Variants in CALD1 observed in about 807,000 individuals in gnomAD.
The protein encoded by CALD1 is caldesmon.
Under a neutral mutation model 99.9 loss-of-function variants are expected in CALD1, and 33 were observed. That is an observed-to-expected ratio of 0.33 (90% confidence interval 0.25 to 0.44). The LOEUF (loss-of-function observed/expected upper bound fraction) is 0.44. CALD1 is among the 20% of genes least tolerant of loss of function. The pLI, the probability that CALD1 is intolerant of heterozygous loss-of-function variation, is 1.00. For synonymous variants in CALD1, 310 were observed against 325.0 expected (o/e 0.95, Z 0.50); for missense variants, 861 against 962.1 (o/e 0.89, Z 1.39).
chr7:134,887,920 C>T (rs781515061), intron 3 of CALD1, among the ~76,000 whole-genome samples: 1 of 152,040 alleles, frequency 6.6e-6, no homozygotes, highest in Non-Finnish European at 1.5e-5. Context: ...CGCATTAGGG[C>T]ATATGCACAG....
chr7:134,715,818 A>C, the CALD1 span, among the ~76,000 whole-genome samples: 2 of 152,254 alleles, frequency 1.3e-5, no homozygotes, highest in Non-Finnish European at 2.9e-5. Flanking sequence ...AAAGTCATGC[A>C]GAGACAAGGA....
Position 134,970,508 on chromosome 7 carries a change from AC to A in CALD1, c.*2164del, listed in dbSNP as rs1183604821. ...CTTTACGAGGTAAAACTGCAAGCTG[AC>A]TAGCATGTTCTGTGAATCTGCCATT... On this transcript the variant is annotated 3_prime_UTR_variant, in exon 15 of 15. Coordinates refer to ENST00000361675, the MANE Select transcript of CALD1 (RefSeq NM_033138.4). 1 of 152,662 alleles carries A rather than the reference AC, an allele frequency of 6.6e-6. No homozygotes were observed. Among genetic ancestry groups the A allele is most frequent in the African/African-American group, 2.4e-5 (1 of 41,462 alleles). The allele number at this position is 152,662 out of a possible 1,614,324, so 9.5% of individuals were successfully genotyped here. A position where few individuals can be genotyped will look rare whatever the true frequency, so the allele number is the denominator to read the frequency against.
At chr7:134,891,587 C>G (rs1201993594) in intron 3 of CALD1, 49 of 1,596,820 alleles carry the variant, frequency 3.1e-5, no homozygotes, top group Non-Finnish European at 4.2e-5. Flanking sequence ...GTCTCCGTAT[C>G]TCTCTGCCCC....
At chr7:134,892,911 T>C (rs1321138373) in intron 3 of CALD1, among the ~76,000 whole-genome samples, 1 of 151,818 alleles carries the variant, frequency 6.6e-6, no homozygotes, top group East Asian at 1.9e-4. Flanking sequence ...CATCAAAACT[T>C]CCTTGGAATC....
At chr7:134,724,326 C>A in the CALD1 span, among the ~76,000 whole-genome samples, 1 of 152,288 alleles carries the variant, frequency 6.6e-6, no homozygotes, top group South Asian at 2.1e-4. Flanking sequence ...ACCAGCTTAG[C>A]TGGGAAAGGC....
chr7:134,811,105 C>T (rs1401242640), intron 1 of CALD1, among the ~76,000 whole-genome samples: 7 of 152,186 alleles, frequency 4.6e-5, no homozygotes, highest in African/African-American at 9.7e-5. Context: ...GGGTTTACTA[C>T]TCTCATCTCC....
chr7:134,846,473 C>T (rs943313904), intron 2 of CALD1, among the ~76,000 whole-genome samples: 7 of 152,198 alleles, frequency 4.6e-5, no homozygotes, highest in South Asian at 2.1e-4. Flanking sequence ...TCATTTCTCA[C>T]GGAGCCATAT....
At chr7:134,890,082 T>C (rs190508844) in intron 3 of CALD1, among the ~76,000 whole-genome samples, 24 of 152,242 alleles carry the variant, frequency 1.6e-4, no homozygotes, top group Non-Finnish European at 2.8e-4. Flanking sequence ...GTAATTTTTG[T>C]ATTTTTAGTA....
At chr7:134,905,922 CTTTTT>C (rs5887716) in intron 3 of CALD1, among the ~76,000 whole-genome samples, 1 of 94,776 alleles carries the variant, frequency 1.1e-5, no homozygotes, top group African/African-American at 4.3e-5. Context: ...CTCTCTATAT[CTTTTT>C]TTTTTTTTTT....
intron 1 of CALD1, among the ~76,000 whole-genome samples, chr7:134,767,222 TGTGC>T (rs1350447598): frequency 6.8e-6 from 1 of 146,320 alleles, no homozygotes; most frequent in Non-Finnish European, 1.5e-5. Flanking sequence ...TGTGTGTGTG[TGTGC>T]GTGTGTGACA....
intron 6 of CALD1, among the ~76,000 whole-genome samples, 158 bp downstream of exon 6, chr7:134,935,923 G>A (rs965981372): frequency 1.3e-5 from 2 of 152,162 alleles, no homozygotes; most frequent in Non-Finnish European, 2.9e-5. Context: ...AGCTTAGAGT[G>A]TCTCAAAATT....
the CALD1 span, among the ~76,000 whole-genome samples, chr7:134,711,722 GTGTGTCTC>G: frequency 5.2e-5 from 5 of 96,360 alleles, no homozygotes; most frequent in African/African-American, 1.7e-4. Flanking sequence ...GTGTGTGTGT[GTGTGTCTC>G]TCTCTCTGTC....
chr7:134,877,377 ACCTTTT>A (rs2077385782), intron 3 of CALD1, among the ~76,000 whole-genome samples: 1 of 152,182 alleles, frequency 6.6e-6, no homozygotes, highest in South Asian at 2.1e-4. Flanking sequence ...AAAGAAAATT[ACCTTTT>A]TATTATTAAG....
chr7:134,718,044 T>C, the CALD1 span, among the ~76,000 whole-genome samples: 1 of 152,228 alleles, frequency 6.6e-6, no homozygotes, highest in African/African-American at 2.4e-5. Context: ...GGTACCTATT[T>C]TTCTTTTTCC....
At chr7:134,887,126 C>T (rs1462451341) in intron 3 of CALD1, among the ~76,000 whole-genome samples, 3 of 152,162 alleles carry the variant, frequency 2.0e-5, no homozygotes, top group African/African-American at 7.2e-5. Context: ...GCCATGAAGA[C>T]GCTGGTGAAG....
chr7:134,721,103 T>C, the CALD1 span, among the ~76,000 whole-genome samples: 7 of 152,184 alleles, frequency 4.6e-5, no homozygotes, highest in Non-Finnish European at 7.3e-5. Context: ...ATATTCGCTA[T>C]AGGCCGCTGG....
At chr7:134,806,708 G>A (rs1410424998) in intron 1 of CALD1, among the ~76,000 whole-genome samples, 2 of 152,096 alleles carry the variant, frequency 1.3e-5, no homozygotes, top group Admixed American at 1.3e-4. Context: ...AAATTATAGT[G>A]CCTCGGTTTG....
At chr7:134,794,293 G>A (rs771125147) in intron 1 of CALD1, among the ~76,000 whole-genome samples, 8 of 152,132 alleles carry the variant, frequency 5.3e-5, no homozygotes, top group Non-Finnish European at 8.8e-5. Flanking sequence ...AGGCTCGCAC[G>A]GGATGCATTT....
upstream of CALD1, among the ~76,000 whole-genome samples, chr7:134,742,470 G>T (rs1796600373): frequency 1.3e-5 from 2 of 152,180 alleles, no homozygotes; most frequent in Non-Finnish European, 2.9e-5. Context: ...GCTGTGGAAT[G>T]TCTTGGAATG....
Sources: allele counts gnomAD v4.1 joint callset (sites outside exome capture counted in the v4.1 genomes callset), GRCh38; gene constraint gnomAD v4.1.1; transcripts MANE v1.5; gene names NCBI Gene and HGNC (gene_info 2026-07-23, HGNC 2026-07-21).